The following C3 variants were observed in gnomAD, a reference collection of about 807,000 sequenced individuals.
C3 encodes the protein C3 and PZP-like alpha-2-macroglobulin domain-containing protein 1.
In C3, 97 loss-of-function variants were observed where a neutral mutation model predicts 207.9. The observed-to-expected ratio is 0.47, with a 90% CI of 0.40 to 0.55. The LOEUF (loss-of-function observed/expected upper bound fraction) is 0.55. Among genes scored for constraint, C3 ranks in the 20% least tolerant of loss-of-function variants. The pLI is 0.00. For missense variants in C3, 1,684 were observed against 2,171.7 expected, an observed-to-expected ratio of 0.78 and a Z score of 4.46; for synonymous variants, 848 against 857.6, an observed-to-expected ratio of 0.99 and a Z score of 0.20.
chr19:6,697,050 A>AAAT (rs1555684989), intron 21 of C3, among the ~76,000 whole-genome samples: 4,952 of 93,014 alleles, frequency 0.053, 559 homozygotes, highest in African/African-American at 0.17. Context: ...TCAAAAAAAT[A>AAAT]AACAAACAAA....
Position 6,705,862 on chromosome 19 carries a change from C to A in C3, c.2245+1214G>T, listed in dbSNP as rs186328119. ...GCTATTTTTGCATTTTTAGTAGAGA[C>A]GGGGTTTCACCATGTTGGCCAGACT... On this transcript the variant is annotated intron_variant, in intron 17 of 40. Transcript: ENST00000245907. Among the ~76,000 whole-genome samples the A allele has an allele frequency of 4.4e-3, 668 of 151,632 alleles. 6 individuals are homozygous for A. Among genetic ancestry groups the A allele is most frequent in the African/African-American group, 0.015 (620 of 41,344 alleles).
rs539099361 is a variant in C3, at chr19:6,698,121, A to G, written c.2441-327T>C. 2.6e-5 allele frequency among the ~76,000 whole-genome samples: 4 copies of G among 152,026 alleles called. No homozygotes were observed. The East Asian group carries it at 5.8e-4, about 22-fold the overall frequency. ...AACCTCCGCCTCCTGGGTTCAAGCA[A>G]TTCTCCTGCCTCAGCCTCTCGAGTA... On this transcript the variant is annotated intron_variant, in intron 19 of 40. Coordinates refer to ENST00000245907, the MANE Select transcript of C3 (RefSeq NM_000064.4).
At position 6,702,273 on chromosome 19, in the gene C3, G is replaced by T. The variant is rs143514378; in HGVS notation, c.2355-61C>A. On this transcript the variant is annotated intron_variant, in intron 18 of 40. Coordinates refer to ENST00000245907, the MANE Select transcript of C3 (RefSeq NM_000064.4). ...CATCTAGCAGGGTGGTAGAGGGGAA[G>T]AACTGGTGCAGAGGGACCCCAAGGG... The T allele has an allele frequency of 1.5e-5, 18 of 1,170,764 alleles. No homozygotes were observed. In the African/African-American group the frequency reaches 2.3e-4, roughly 15 times the overall value. The allele number at this position is 1,170,764 out of a possible 1,614,324, so 72.5% of individuals were successfully genotyped here.
rs1455372976 is a variant in C3 at position 6,700,664 on chromosome 19, A to G, written c.2440+1463T>C. On this transcript the variant is annotated intron_variant, in intron 19 of 40. Transcript: ENST00000245907. The stretch of plus-strand genomic sequence containing the variant: ...ATATGTAATATATAATATATGATAT[A>G]TTATATATGTAATATATAATATATG... Among the ~76,000 whole-genome samples the G allele has an allele frequency of 1.0e-4, 6 of 59,806 alleles. 1 individual carries two copies. In the East Asian group the frequency reaches 4.4e-3, roughly 44 times the overall value. The allele number at this position is 59,806 out of a possible 152,430, so 39.2% of individuals were successfully genotyped here. A position where few individuals can be genotyped will look rare whatever the true frequency, so the allele number is the denominator to read the frequency against.
intron 11 of C3, among the ~76,000 whole-genome samples, 190 bp from the exon 12 acceptor site, chr19:6,711,386 A>T (rs865796800): frequency 8.7e-4 from 133 of 152,258 alleles, no homozygotes; most frequent in African/African-American, 2.9e-3. Flanking sequence ...AAGGGTCTTT[A>T]TTAAGCAGGG....
chr19:6,690,870 A>G (rs1321303667), intron 26 of C3, 143 bp from the exon 27 acceptor site: 6 of 704,380 alleles, frequency 8.5e-6, no homozygotes, highest in African/African-American at 1.8e-5. Context: ...AGGAAGGTCA[A>G]ACTTCTTAGT....
In C3 at chr19:6,710,817, G is replaced by T. The variant is rs781417846; in HGVS notation, c.1508C>A (p.Ala503Glu). 1.2e-6 allele frequency: 2 copies of T among 1,613,902 alleles called. No individual in the cohort carries two copies. The highest frequency in any genetic ancestry group is 1.7e-6 in the Non-Finnish European group (2 of 1,179,978). ...GCCGGGCTCTCGCACCTGGCGTCCC[G>T]CCTTCAACAGCCTGCCCTTGTTCAT... ...LIMNKGRLLKAGRQVREPGQD... is the reference protein window; with the variant it reads ...LIMNKGRLLKEGRQVREPGQD... The change falls in exon 13 of 41, where the codon GCG (alanine) becomes GAG (glutamate). Residue 503 changes from alanine to glutamate, a missense_variant. Around this residue, in one of 3 missense-constraint regions of C3, gnomAD observed 1,280 missense variants for 1,739.1 expected, o/e 0.74. Transcript: ENST00000245907.
rs751268239 is a variant in C3 at position 6,694,480 on chromosome 19, C to T, written c.3105G>A (p.Glu1035=). Residue 1035 remains glutamate, a synonymous_variant, in exon 24 of 41, where the codon GAG becomes GAA. Transcript: ENST00000245907. ...VHYLDETEQW[E]KFGLEKRQGA... ...CCTGCCGCTTCTCTAGGCCGAACTT[C>T]TCCCACTGCTCCGTTTCATCCAGGT... 2 of 1,614,046 alleles carry T rather than the reference C, an allele frequency of 1.2e-6. No individual in the cohort carries two copies. The highest frequency in any genetic ancestry group is 1.7e-6 in the Non-Finnish European group (2 of 1,180,006).
rs1968114674 is a variant in C3, at chr19:6,719,199, G to GTC, written c.267+10_267+11dup. The GTC allele has an allele frequency of 6.2e-7, 1 of 1,613,130 alleles. No homozygotes were observed. Among genetic ancestry groups the GTC allele is most frequent in the South Asian group, 1.1e-5 (1 of 91,072 alleles). ...TGGGTGTCAGCCGGGTCCTGCGCCAGTCTGCACTCACCGTGAAGGTGACGT... is the reference window on the plus strand; with the variant it reads ...TGGGTGTCAGCCGGGTCCTGCGCCAGTCTCTGCACTCACCGTGAAGGTGACGT... On this transcript the variant is annotated intron_variant, in intron 2 of 40. Transcript: ENST00000245907. This position sits in a 1 kb window ranked among gnomAD's most constrained non-coding sequence, Gnocchi z 5.4.
intron 27 of C3, among the ~76,000 whole-genome samples, chr19:6,689,338 T>TCCCC (rs1918102095): frequency 3.7e-5 from 1 of 27,348 alleles, no homozygotes; most frequent in Non-Finnish European, 6.7e-5. Flanking sequence ...CCTCCCTCCC[T>TCCCC]CCCTCCCTCC....
chr19:6,696,520 C>T, intron 22 of C3, 55 bp from the exon 23 acceptor site: 1 of 1,594,726 alleles, frequency 6.3e-7, no homozygotes, highest in Non-Finnish European at 8.6e-7. Flanking sequence ...CCCTATCCTA[C>T]CTCACTAAAC....
intron 11 of C3, 104 bp downstream of exon 11, chr19:6,712,153 G>C: frequency 2.1e-6 from 3 of 1,441,740 alleles, no homozygotes; most frequent in Non-Finnish European, 2.9e-6. Flanking sequence ...TCTCTATGCA[G>C]ATGAGAATAT....
intron 17 of C3, among the ~76,000 whole-genome samples, chr19:6,706,449 C>T (rs564631467): frequency 1.3e-5 from 2 of 152,246 alleles, no homozygotes; most frequent in East Asian, 1.9e-4. Context: ...TCCCCTCGGA[C>T]GGGAGCCTCC....
Position 6,679,509 on chromosome 19 carries a change from G to A in C3, c.4457-13C>T, listed in dbSNP as rs375382978. On this transcript the variant is annotated splice_polypyrimidine_tract_variant and intron_variant, in intron 36 of 40. Transcript: ENST00000245907. ...GTACAGCTTTCCTCTGCGGGCAGAT[G>A]TGATGTGAAGATGAGAGGATAAGGG... 3.8e-6 allele frequency: 6 copies of A among 1,579,154 alleles called. No individual in the cohort carries two copies. The African/African-American group carries it at 6.7e-5, about 18-fold the overall frequency.
At chr19:6,715,608 GTTTT>G (rs1322178794) in intron 4 of C3, among the ~76,000 whole-genome samples, 1 of 144,754 alleles carries the variant, frequency 6.9e-6, no homozygotes, top group Admixed American at 7.0e-5. Context: ...ATAAAAATCT[GTTTT>G]TTTTTTGTTT....
At chr19:6,718,503 C>T (rs1428450544) in intron 2 of C3, 91 bp from the exon 3 acceptor site, 1 of 1,493,826 alleles carries the variant, frequency 6.7e-7, no homozygotes, top group Non-Finnish European at 9.3e-7. Context: ...CCCTCCTTGC[C>T]TGCCCATTAT....
rs773963253 is a variant in C3 at position 6,686,208 on chromosome 19, C to T, written c.3726G>A (p.Gln1242=). The part of the protein sequence containing the change: ...ATSYALLALL[Q]LKDFDFVPPV... ...GAGGCACAAAGTCAAAGTCTTTTAG[C>T]TGCAGTAGGGCCAAGAGGGCATAGG... Residue 1242 remains glutamine, a synonymous_variant, in exon 29 of 41, where the codon CAG becomes CAA. Transcript: ENST00000245907. 8.1e-6 allele frequency: 13 copies of T among 1,614,176 alleles called. No homozygotes were observed. The highest frequency in any genetic ancestry group is 1.1e-5 in the Non-Finnish European group (13 of 1,180,022).
intron 36 of C3, among the ~76,000 whole-genome samples, chr19:6,679,753 G>A (rs919731770): frequency 4.0e-5 from 6 of 151,338 alleles, no homozygotes; most frequent in African/African-American, 1.5e-4. Context: ...GGACACGCAG[G>A]CCTCCAACCC....
At position 6,693,454 on chromosome 19, in the gene C3, C is replaced by G; in HGVS notation, c.3188G>C (p.Ser1063Thr). Reference sequence around the variant, plus strand: ...TTTCACGAAGGCCGCAAAGGCAGAGCTGGGTTGTCTGAAGGCCAGCTGCTG... The same window carrying G: ...TTTCACGAAGGCCGCAAAGGCAGAGGTGGGTTGTCTGAAGGCCAGCTGCTG... ...YTQQLAFRQP[S>T]SAFAAFVKRA... Residue 1063 changes from serine to threonine, a missense_variant, in exon 25 of 41, where the codon AGC (serine) becomes ACC (threonine). Physicochemically the swap from Ser to Thr is moderately conservative, Grantham distance 58 (BLOSUM62 1). This residue lies in a region of C3 where 1,280 missense variants were observed against 1,739.1 expected (regional missense o/e 0.74). Transcript: ENST00000245907. The G allele has an allele frequency of 1.9e-6, 3 of 1,612,654 alleles. No individual in the cohort carries two copies. The highest frequency in any genetic ancestry group is 2.2e-5 in the South Asian group (2 of 90,804).
Sources: gnomAD v4.1 joint callset for allele counts (sites outside exome capture counted in the v4.1 genomes callset) on GRCh38, gnomAD v4.1.1 for gene constraint, gnomAD v4.1.1 regional missense constraint, Gnocchi (gnomAD v3.1) non-coding constraint, MANE v1.5 for transcripts, NCBI Gene and HGNC (gene_info 2026-07-23, HGNC 2026-07-21) for gene names.